The following PSIP1 variants were observed in gnomAD, a reference collection of about 807,000 sequenced individuals.
The protein encoded by PSIP1 is PC4 and SFRS1-interacting protein.
In PSIP1, 19 loss-of-function variants were observed where a neutral mutation model predicts 74.7. That is an observed-to-expected ratio of 0.25 (90% CI 0.18 to 0.37). The LOEUF is 0.37. PSIP1 is among the 10% of genes least tolerant of loss of function. The pLI is 1.00. For missense variants in PSIP1, 601 were observed against 614.3 expected (o/e 0.98, Z 0.23); for synonymous variants, 222 against 195.3 (o/e 1.14, Z -1.14).
At chr9:15,493,214 C>T (rs1008012770) in intron 3 of PSIP1, among the ~76,000 whole-genome samples, 7 of 152,206 alleles carry the variant, frequency 4.6e-5, no homozygotes, top group Non-Finnish European at 4.4e-5. Flanking sequence ...TCATCTCTCT[C>T]AAGTTCAGAG....
In PSIP1 at chr9:15,468,702, G is replaced by C. The variant is rs763494850; in HGVS notation, c.1348C>G (p.His450Asp). The C allele has an allele frequency of 1.2e-6, 2 of 1,614,028 alleles. No homozygotes were observed. The highest frequency in any genetic ancestry group is 1.7e-6 in the Non-Finnish European group (2 of 1,179,984). ...TCTTTGGTTTTATTCGCTTCCTCAT[G>C]CTGTCTTTGTTCAGCAAGAGATTTA... ...LNKSLAEQRQ[H>D]EEANKTKDQG... Residue 450 changes from histidine to aspartate, a missense_variant, in exon 14 of 16, where the codon CAT becomes GAT. His to Asp is a moderately conservative substitution (Grantham distance 81). Around this residue, in one of 2 missense-constraint regions of PSIP1, gnomAD observed 538 missense variants for 507.6 expected, o/e 1.06. Transcript: ENST00000380733.
intron 8 of PSIP1, among the ~76,000 whole-genome samples, chr9:15,477,616 T>G (rs1276457416): frequency 2.6e-5 from 4 of 152,008 alleles, no homozygotes; most frequent in African/African-American, 7.3e-5. Context: ...TCTCCCCCTT[T>G]GTCTAAATAT....
At chr9:15,478,661 T>A (rs895159476) in intron 7 of PSIP1, 109 bp from the exon 8 acceptor site, 2 of 712,120 alleles carry the variant, frequency 2.8e-6, no homozygotes, top group African/African-American at 3.6e-5. Context: ...TATTAGTAGC[T>A]TATTACAGAT....
At chr9:15,497,228 T>C (rs1371226050) in intron 3 of PSIP1, among the ~76,000 whole-genome samples, 1 of 151,798 alleles carries the variant, frequency 6.6e-6, no homozygotes, top group Non-Finnish European at 1.5e-5. Flanking sequence ...AGAGTAGTAA[T>C]GTACTATCAC....
At chr9:15,470,797 A>G (rs577225262) in intron 10 of PSIP1, 4 of 1,010,990 alleles carry the variant, frequency 4.0e-6, no homozygotes, top group African/African-American at 3.4e-5. Flanking sequence ...TCTCAGGGAT[A>G]TAACTGCTAT....
At chr9:15,473,977 G>C (rs1587467355) in intron 9 of PSIP1, 32 bp downstream of exon 9, 2 of 1,372,822 alleles carry the variant, frequency 1.5e-6, no homozygotes, top group Middle Eastern at 2.1e-4. Context: ...ACTAAGAATA[G>C]AACAGCCATT....
intron 10 of PSIP1, chr9:15,470,773 G>C: frequency 1.0e-6 from 1 of 986,192 alleles, no homozygotes; most frequent in Non-Finnish European, 1.2e-6. Flanking sequence ...GGAATGTCAA[G>C]AGAAGGGCCC....
chr9:15,499,524 T>C (rs888105948), intron 3 of PSIP1, among the ~76,000 whole-genome samples: 1 of 152,146 alleles, frequency 6.6e-6, no homozygotes, highest in Non-Finnish European at 1.5e-5. Flanking sequence ...ATAATATGAA[T>C]ACCCACAAGA....
chr9:15,501,934 G>C lies in PSIP1; in HGVS notation c.149+4627C>G, dbSNP rs116191924. 9.4e-3 allele frequency among the ~76,000 whole-genome samples: 1,412 copies of C among 150,386 alleles called. 17 individuals carry two copies. The highest frequency in any genetic ancestry group is 0.033 in the African/African-American group (1,337 of 40,410). ...GCCCCCTGGCCAAGGACCAGTACCCGTCCGTGGCCTGTTAGGAACCACGCT... is the reference window on the plus strand; with the variant it reads ...GCCCCCTGGCCAAGGACCAGTACCCCTCCGTGGCCTGTTAGGAACCACGCT... On this transcript the variant is annotated intron_variant, in intron 3 of 15. Transcript: ENST00000380733.
At chr9:15,503,519 C>T (rs1244972599) in intron 3 of PSIP1, among the ~76,000 whole-genome samples, 2 of 151,708 alleles carry the variant, frequency 1.3e-5, no homozygotes, top group Non-Finnish European at 2.9e-5. Flanking sequence ...ATAAAAAATA[C>T]AAAAATTAGC....
At chr9:15,496,784 CAGA>C (rs1336252455) in intron 3 of PSIP1, among the ~76,000 whole-genome samples, 1 of 152,108 alleles carries the variant, frequency 6.6e-6, no homozygotes, top group African/African-American at 2.4e-5. Flanking sequence ...ATGTTAAGTA[CAGA>C]AGATTTTTAA....
Position 15,465,398 on chromosome 9 carries a change from C to T in PSIP1, c.*122G>A. ...TACTTTAAAACAAAGGGATTTTCTC[C>T]CTCAAAACAAGTTTTCAACATCAAA... On this transcript the variant is annotated 3_prime_UTR_variant, in exon 16 of 16. Coordinates refer to ENST00000380733, the MANE Select transcript of PSIP1 (RefSeq NM_033222.5). The T allele has an allele frequency of 1.2e-6, 1 of 833,824 alleles. No individual in the cohort carries two copies. Among genetic ancestry groups the T allele is most frequent in the African/African-American group, 1.8e-5 (1 of 56,418 alleles). 51.7% of individuals were successfully genotyped at this position (833,824 alleles called of 1,614,324 possible).
chr9:15,501,137 C>T (rs1187787828), intron 3 of PSIP1, among the ~76,000 whole-genome samples: 2 of 151,940 alleles, frequency 1.3e-5, no homozygotes, highest in African/African-American at 4.8e-5. Context: ...TATAAGTAAC[C>T]TGCCCAAGGT....
At chr9:15,506,015 C>T (rs2037570572) in intron 3 of PSIP1, 1 of 152,224 alleles carries the variant, frequency 6.6e-6, no homozygotes, top group Non-Finnish European at 1.5e-5. Context: ...CTGAGTGATC[C>T]CATGCACTTG....
intron 6 of PSIP1, among the ~76,000 whole-genome samples, chr9:15,483,947 G>A (rs1297329455): frequency 1.3e-5 from 2 of 151,954 alleles, no homozygotes; most frequent in Non-Finnish European, 2.9e-5. Flanking sequence ...GGCCACCATG[G>A]TGAAACCCCA....
chr9:15,505,159 A>T (rs1339688163), intron 3 of PSIP1: 2 of 151,786 alleles, frequency 1.3e-5, no homozygotes, highest in African/African-American at 4.8e-5. Flanking sequence ...CTGGTCTCCA[A>T]CTCCTGAACT....
intron 3 of PSIP1, among the ~76,000 whole-genome samples, chr9:15,501,342 C>T (rs917441284): frequency 6.0e-5 from 9 of 150,138 alleles, no homozygotes; most frequent in African/African-American, 2.2e-4. Flanking sequence ...ACAAGATAGA[C>T]AAGGTCCCTG....
intron 2 of PSIP1, 76 bp downstream of exon 2, chr9:15,510,041 T>TA: frequency 7.1e-7 from 1 of 1,405,302 alleles, no homozygotes; most frequent in Non-Finnish European, 9.8e-7. Flanking sequence ...GAAGAAAAAA[T>TA]AAAGAGACAC....
At chr9:15,473,974 A>C in intron 9 of PSIP1, 35 bp downstream of exon 9, 2 of 1,466,490 alleles carry the variant, frequency 1.4e-6, no homozygotes, top group Non-Finnish European at 9.4e-7. Flanking sequence ...TAAACTAAGA[A>C]TAGAACAGCC....
Sources: allele counts gnomAD v4.1 joint callset (sites outside exome capture counted in the v4.1 genomes callset), GRCh38; gene constraint gnomAD v4.1.1; regional missense constraint gnomAD v4.1.1; transcripts MANE v1.5; gene names NCBI Gene and HGNC (gene_info 2026-07-23, HGNC 2026-07-21).